MGAT4C: variants seen among roughly 807,000 people sequenced by gnomAD.
The protein encoded by MGAT4C is alpha-1,3-mannosyl-glycoprotein 4-beta-N-acetylglucosaminyltransferase C.
In MGAT4C, 19 loss-of-function variants were observed where a neutral mutation model predicts 40.1. That is an observed-to-expected ratio of 0.47 (90% CI 0.33 to 0.70). The LOEUF is 0.70. MGAT4C is among the 30% of genes least tolerant of loss of function. MGAT4C has a pLI of 0.02. For missense variants in MGAT4C, 491 were observed against 563.2 expected (o/e 0.87, Z 1.30); for synonymous variants, 181 against 187.1 (o/e 0.97, Z 0.27).
chr12:86,576,098 T>C (rs1960547705), intron 2 of MGAT4C, among the ~76,000 whole-genome samples: 2 of 151,992 alleles, frequency 1.3e-5, no homozygotes, highest in African/African-American at 4.8e-5. Context: ...AAGCATCTTT[T>C]TATATGCCTG....
rs1958070919 is a variant in MGAT4C, at chr12:86,488,619, C to T, written c.-228-53354G>A. Among the ~76,000 whole-genome samples, 7 of 152,084 alleles carry T rather than the reference C, an allele frequency of 4.6e-5. No homozygotes were observed. In the South Asian group the frequency reaches 1.5e-3, roughly 32 times the overall value. On this transcript the variant is annotated intron_variant, in intron 2 of 7. Transcript: ENST00000548651. ...TGAAGAGTTTCAGTGGTCTTCAGTT[C>T]TCTGATTTTTCTCCCAATAAGAACC...
chr12:86,576,687 T>C (rs1960572991), intron 2 of MGAT4C, among the ~76,000 whole-genome samples: 1 of 151,940 alleles, frequency 6.6e-6, no homozygotes, highest in Non-Finnish European at 1.5e-5. Context: ...TATGTGTCTG[T>C]TTTTATGCCA....
intron 2 of MGAT4C, among the ~76,000 whole-genome samples, chr12:86,550,869 A>C (rs933520689): frequency 6.6e-6 from 1 of 152,198 alleles, no homozygotes; most frequent in African/African-American, 2.4e-5. Flanking sequence ...CTGGGGCCTG[A>C]CAAATAGCCC....
intron 2 of MGAT4C, among the ~76,000 whole-genome samples, chr12:86,438,712 T>C (rs1957177576): frequency 1.3e-5 from 2 of 151,814 alleles, no homozygotes; most frequent in South Asian, 2.1e-4. Flanking sequence ...AACCAAATAA[T>C]GCTGTCTTCA....
intron 1 of MGAT4C, among the ~76,000 whole-genome samples, chr12:86,817,081 CAT>C (rs1566011653): frequency 1.3e-5 from 2 of 150,562 alleles, no homozygotes; most frequent in South Asian, 4.2e-4. Context: ...TTGAATTATA[CAT>C]GTTACATTAA....
intron 3 of MGAT4C, among the ~76,000 whole-genome samples, chr12:86,405,198 A>G (rs1956440185): frequency 1.3e-5 from 2 of 152,052 alleles, no homozygotes; most frequent in Non-Finnish European, 2.9e-5. Flanking sequence ...AAATTAAGGG[A>G]GAAATAAAAC....
At chr12:86,557,505 C>T (rs1959666452) in intron 2 of MGAT4C, among the ~76,000 whole-genome samples, 1 of 152,114 alleles carries the variant, frequency 6.6e-6, no homozygotes, top group African/African-American at 2.4e-5. Context: ...ATGAATACCA[C>T]CACCATGGTG....
chr12:86,440,547 AT>A (rs1367459881), intron 2 of MGAT4C, among the ~76,000 whole-genome samples: 5 of 152,100 alleles, frequency 3.3e-5, no homozygotes, highest in Non-Finnish European at 7.4e-5. Context: ...AGAAGAAAAC[AT>A]TCCCTATAAG....
intron 2 of MGAT4C, among the ~76,000 whole-genome samples, chr12:86,678,041 A>C (rs10745430): frequency 6.6e-6 from 1 of 151,946 alleles, no homozygotes; most frequent in Admixed American, 6.6e-5. Flanking sequence ...TCTCAAATTT[A>C]TATTTCCAGT....
At chr12:86,252,058 AT>A (rs1174641507) in intron 1 of MGAT4C, among the ~76,000 whole-genome samples, 112 of 152,090 alleles carry the variant, frequency 7.4e-4, no homozygotes, top group African/African-American at 2.6e-3. Flanking sequence ...TTATTTTTTC[AT>A]TTTATGCAGT....
chr12:86,537,497 T>C (rs535855083), intron 2 of MGAT4C, among the ~76,000 whole-genome samples: 42 of 152,142 alleles, frequency 2.8e-4, no homozygotes, highest in Admixed American at 9.8e-4. Context: ...TAAAATTATA[T>C]ATATTTTCAA....
chr12:86,374,143 A>G (rs1234164822), intron 3 of MGAT4C, among the ~76,000 whole-genome samples: 1 of 152,100 alleles, frequency 6.6e-6, no homozygotes, highest in East Asian at 1.9e-4. Flanking sequence ...AAAAACAGAC[A>G]TGAAAAAAAT....
chr12:86,282,878 G>T (rs1395757597), intron 4 of MGAT4C, among the ~76,000 whole-genome samples: 1 of 152,066 alleles, frequency 6.6e-6, no homozygotes, highest in Non-Finnish European at 1.5e-5. Context: ...TTGATTAAAT[G>T]ATTCGGGTGT....
chr12:86,757,251 G>A (rs1307532673), intron 1 of MGAT4C, among the ~76,000 whole-genome samples: 12 of 152,042 alleles, frequency 7.9e-5, no homozygotes, highest in Admixed American at 7.2e-4. Flanking sequence ...GACATTAGGA[G>A]AAAGACCTAA....
At chr12:86,756,842 A>T (rs897033239) in intron 1 of MGAT4C, among the ~76,000 whole-genome samples, 1 of 152,100 alleles carries the variant, frequency 6.6e-6, no homozygotes, top group African/African-American at 2.4e-5. Flanking sequence ...TGCCCTCAAA[A>T]CCCTGAAAGA....
At chr12:86,486,099 G>A (rs901688720) in intron 2 of MGAT4C, among the ~76,000 whole-genome samples, 1 of 151,986 alleles carries the variant, frequency 6.6e-6, no homozygotes, top group African/African-American at 2.4e-5. Context: ...ACAATACCCA[G>A]TACCACAAAA....
chr12:86,702,092 A>T (rs900534574), intron 2 of MGAT4C, among the ~76,000 whole-genome samples: 1 of 152,134 alleles, frequency 6.6e-6, no homozygotes, highest in African/African-American at 2.4e-5. Flanking sequence ...GCATGACCAC[A>T]GCTCATACAG....
At chr12:86,604,570 A>C (rs753325886) in intron 2 of MGAT4C, among the ~76,000 whole-genome samples, 3 of 152,172 alleles carry the variant, frequency 2.0e-5, no homozygotes, top group Non-Finnish European at 4.4e-5. Flanking sequence ...AAATGTACGT[A>C]TCTAACATGA....
intron 1 of MGAT4C, among the ~76,000 whole-genome samples, chr12:86,191,174 C>G (rs1055528080): frequency 1.3e-5 from 2 of 150,518 alleles, no homozygotes; most frequent in African/African-American, 4.9e-5. Context: ...CTGAGTGATA[C>G]AAATTTTGGT....
Sources: gnomAD v4.1 joint callset for allele counts (sites outside exome capture counted in the v4.1 genomes callset) on GRCh38, gnomAD v4.1.1 for gene constraint, MANE v1.5 for transcripts, NCBI Gene and HGNC (gene_info 2026-07-23, HGNC 2026-07-21) for gene names.